The following TSPAN11 variants were observed in gnomAD, a reference collection of about 807,000 sequenced individuals.
The protein encoded by TSPAN11 is tetraspanin 11.
A neutral mutation model predicts 32.9 loss-of-function variants in TSPAN11; 29 were observed. The observed-to-expected ratio is 0.88, with a 90% confidence interval of 0.66 to 1.20. TSPAN11 has a LOEUF of 1.20. TSPAN11 is among the 50% of genes most tolerant of loss of function. The pLI, the probability that TSPAN11 is intolerant of heterozygous loss-of-function variation, is 0.00. For missense variants in TSPAN11, 283 were observed against 329.1 expected (o/e 0.86, Z 1.08); for synonymous variants, 140 against 141.3 (o/e 0.99, Z 0.07).
intron 2 of TSPAN11, among the ~76,000 whole-genome samples, chr12:30,957,039 G>C (rs1483594245): frequency 6.6e-6 from 1 of 152,226 alleles, no homozygotes; most frequent in African/African-American, 2.4e-5. Context: ...GATGACTTGA[G>C]AGCATCACTT....
At chr12:30,936,570 G>A (rs1392374829) in intron 1 of TSPAN11, among the ~76,000 whole-genome samples, 1 of 152,208 alleles carries the variant, frequency 6.6e-6, no homozygotes, top group African/African-American at 2.4e-5. Context: ...TTCGCAAGAT[G>A]TTCATTGAGG....
chr12:30,934,143 C>T (rs1937993477), intron 1 of TSPAN11, among the ~76,000 whole-genome samples: 1 of 152,260 alleles, frequency 6.6e-6, no homozygotes, highest in African/African-American at 2.4e-5. Context: ...CTGCAAGGCA[C>T]TAACCCCCAG....
At chr12:30,997,950 G>A (rs1939439189), downstream of TSPAN11, among the ~76,000 whole-genome samples, 1 of 152,216 alleles carries the variant, frequency 6.6e-6, no homozygotes, top group Non-Finnish European at 1.5e-5. Flanking sequence ...CTTTGGTCAA[G>A]GTCCAGTTGT....
chr12:31,008,611 C>T, the TSPAN11 span, among the ~76,000 whole-genome samples: 2 of 152,230 alleles, frequency 1.3e-5, no homozygotes, highest in African/African-American at 4.8e-5. Context: ...CCACCCAGGA[C>T]CAGCAGCAGC....
At chr12:30,984,876 A>T (rs1939170361) in intron 7 of TSPAN11, among the ~76,000 whole-genome samples, 1 of 152,096 alleles carries the variant, frequency 6.6e-6, no homozygotes, top group Non-Finnish European at 1.5e-5. Context: ...CATTTTACAG[A>T]TCAGAAAGTT....
chr12:30,943,893 G>A (rs1340177983), intron 1 of TSPAN11, among the ~76,000 whole-genome samples: 3 of 152,230 alleles, frequency 2.0e-5, no homozygotes, highest in African/African-American at 7.2e-5. Context: ...TGCAGGGGCT[G>A]TAACCAAGTT....
At chr12:30,981,546 G>A (rs115736303) in intron 5 of TSPAN11, among the ~76,000 whole-genome samples, 4,103 of 152,272 alleles carry the variant, frequency 0.027, 170 homozygotes, top group African/African-American at 0.093. Flanking sequence ...CCTTCTGCGC[G>A]CTGTGCCAGT....
intron 7 of TSPAN11, among the ~76,000 whole-genome samples, chr12:30,985,594 G>A (rs1304284125): frequency 6.6e-6 from 1 of 152,166 alleles, no homozygotes; most frequent in African/African-American, 2.4e-5. Flanking sequence ...CAGAGCAGTT[G>A]AACTCTCCAG....
At chr12:31,008,274 A>G in the TSPAN11 span, among the ~76,000 whole-genome samples, 1 of 152,218 alleles carries the variant, frequency 6.6e-6, no homozygotes. Context: ...GCATGGAACA[A>G]TTCAGGTTCC....
At chr12:30,947,811 T>G (rs1357497981) in intron 1 of TSPAN11, among the ~76,000 whole-genome samples, 1 of 152,070 alleles carries the variant, frequency 6.6e-6, no homozygotes, top group African/African-American at 2.4e-5. Flanking sequence ...TCGAAACCAA[T>G]CATGCCTTCC....
At chr12:30,969,584 C>G (rs1437455605) in intron 3 of TSPAN11, among the ~76,000 whole-genome samples, 1 of 152,154 alleles carries the variant, frequency 6.6e-6, no homozygotes, top group Non-Finnish European at 1.5e-5. Flanking sequence ...GTGTTGACAT[C>G]CATCCTTCTC....
In TSPAN11 at chr12:30,963,327, G is replaced by C. The variant is rs117381144; in HGVS notation, c.85-499G>C. ...TCTCAGTTTCTTCCTCGTAGAGTAG[G>C]GATAAAAAGCCCAGCTGTGCTTCCC... is the stretch of plus-strand genomic sequence containing the variant. On this transcript the variant is annotated intron_variant, in intron 2 of 7. Transcript: ENST00000546076. Among the ~76,000 whole-genome samples, 603 of 152,278 alleles carry C rather than the reference G, an allele frequency of 4.0e-3. 1 individual carries two copies. Among genetic ancestry groups the C allele is most frequent in the Non-Finnish European group, 6.3e-3 (430 of 68,034 alleles).
intron 7 of TSPAN11, among the ~76,000 whole-genome samples, chr12:30,985,244 G>T (rs1939178332): frequency 6.6e-6 from 1 of 151,998 alleles, no homozygotes. Context: ...TTGTAAAATG[G>T]GGCTAGTTAT....
At chr12:30,931,855 G>A (rs1005998839) in intron 1 of TSPAN11, among the ~76,000 whole-genome samples, 12 of 129,970 alleles carry the variant, frequency 9.2e-5, no homozygotes, top group African/African-American at 3.6e-4. Flanking sequence ...ACTCCAGCCT[G>A]GGCGACAGAG....
chr12:30,990,137 C>CGT (rs10692114), intron 7 of TSPAN11, among the ~76,000 whole-genome samples: 9,406 of 151,738 alleles, frequency 0.062, 975 homozygotes, highest in African/African-American at 0.21. Context: ...GTGGTGTTCA[C>CGT]GTGTGTGTGT....
At chr12:31,012,203 C>T in the TSPAN11 span, among the ~76,000 whole-genome samples, 5 of 152,242 alleles carry the variant, frequency 3.3e-5, no homozygotes, top group Non-Finnish European at 7.3e-5. Context: ...GGCTGTGCAC[C>T]GCTATTTTGG....
downstream of TSPAN11, among the ~76,000 whole-genome samples, chr12:30,997,925 G>T (rs1939438895): frequency 6.6e-6 from 1 of 152,220 alleles, no homozygotes; most frequent in Non-Finnish European, 1.5e-5. Context: ...TCGCTCTCCT[G>T]TGTCTGCAGG....
At chr12:31,013,706 C>G in the TSPAN11 span, among the ~76,000 whole-genome samples, 10 of 152,152 alleles carry the variant, frequency 6.6e-5, no homozygotes, top group Non-Finnish European at 1.5e-4. Context: ...GGTGGGAACA[C>G]AGTCATCCTT....
At chr12:30,970,798 T>C (rs900566369) in intron 3 of TSPAN11, among the ~76,000 whole-genome samples, 1 of 152,138 alleles carries the variant, frequency 6.6e-6, no homozygotes, top group Admixed American at 6.5e-5. Context: ...ACAGTGACAC[T>C]TGGTTACAGG....
Sources: gnomAD v4.1 joint callset for allele counts (sites outside exome capture counted in the v4.1 genomes callset) on GRCh38, gnomAD v4.1.1 for gene constraint, MANE v1.5 for transcripts, NCBI Gene and HGNC (gene_info 2026-07-23, HGNC 2026-07-21) for gene names.